GPD1L: variants seen among roughly 807,000 people sequenced by gnomAD.
GPD1L encodes the protein glycerol-3-phosphate dehydrogenase 1-like protein.
A neutral mutation model predicts 32.9 loss-of-function variants in GPD1L; 17 were observed. That is an observed-to-expected ratio of 0.52 (90% CI 0.35 to 0.78). The LOEUF is 0.78. Ranked by LOEUF, GPD1L falls within the 30% of genes least tolerant of loss-of-function variation. GPD1L has a pLI of 0.01. For synonymous variants in GPD1L, 187 were observed against 165.9 expected, an observed-to-expected ratio of 1.13 and a Z score of -0.98; for missense variants, 361 against 447.8, an observed-to-expected ratio of 0.81 and a Z score of 1.75.
intron 1 of GPD1L, among the ~76,000 whole-genome samples, chr3:32,115,497 A>G (rs1054700870): frequency 6.6e-6 from 1 of 152,204 alleles, no homozygotes; most frequent in Non-Finnish European, 1.5e-5. Context: ...TAAGAAAACT[A>G]TATCCTCATC....
intron 1 of GPD1L, among the ~76,000 whole-genome samples, chr3:32,121,677 G>GTATATTTCTATATATATATTTATA (rs1700420459): frequency 1.7e-5 from 2 of 119,964 alleles, no homozygotes; most frequent in East Asian, 2.6e-4. Flanking sequence ...ATTTCTATGT[G>GTATATTTCTATATATATATTTATA]TATATTTCTA....
intron 4 of GPD1L, among the ~76,000 whole-genome samples, chr3:32,141,774 G>A (rs1394198464): frequency 6.6e-6 from 1 of 152,138 alleles, no homozygotes; most frequent in Non-Finnish European, 1.5e-5. Flanking sequence ...ATCACTGTTA[G>A]CAGTTTCTTT....
chr3:32,118,447 T>C (rs981177680), intron 1 of GPD1L, among the ~76,000 whole-genome samples: 5 of 152,160 alleles, frequency 3.3e-5, no homozygotes, highest in African/African-American at 1.2e-4. Context: ...AGGTTCAGCA[T>C]TTCTAACACG....
chr3:32,165,114 C>A (rs13100798), intron 7 of GPD1L, among the ~76,000 whole-genome samples: 1 of 152,122 alleles, frequency 6.6e-6, no homozygotes, highest in Admixed American at 6.5e-5. Context: ...ACTGAGGCAG[C>A]AGAATCGCTT....
chr3:32,107,388 T>C (rs370277482), intron 1 of GPD1L, among the ~76,000 whole-genome samples: 7 of 152,226 alleles, frequency 4.6e-5, no homozygotes, highest in African/African-American at 1.7e-4. Flanking sequence ...TTGCGTCTCT[T>C]TGGGGCCTTA....
At chr3:32,142,484 T>G (rs1700759012) in intron 4 of GPD1L, among the ~76,000 whole-genome samples, 1 of 152,254 alleles carries the variant, frequency 6.6e-6, no homozygotes, top group Admixed American at 6.5e-5. Context: ...AAAAATTTAT[T>G]TATATTTGTA....
intron 5 of GPD1L, among the ~76,000 whole-genome samples, chr3:32,153,888 G>T (rs1454752583): frequency 6.6e-6 from 1 of 152,220 alleles, no homozygotes; most frequent in African/African-American, 2.4e-5. Flanking sequence ...AAGAGTGGAT[G>T]ATTGCCTCTG....
rs74310097 is a variant in GPD1L, at chr3:32,131,038, TA to T, written c.225+2796del. ...TAAAAAAAAAATAGAATGCTCCGTT[TA>T]AAAAAAAAAAGAATGCTCATTATTT... On this transcript the variant is annotated intron_variant, in intron 2 of 7. Transcript: ENST00000282541. Among the ~76,000 whole-genome samples the T allele has an allele frequency of 0.026, 3,799 of 147,030 alleles. 306 individuals carry two copies. The East Asian group carries it at 0.26, about 10-fold the overall frequency.
chr3:32,158,382 G>T lies in GPD1L; in HGVS notation c.619-494G>T, dbSNP rs545257079. ...TGGTTACCTTTGGTGGTGGAGGTGG[G>T]CTGGAAGGGGTTCTCGGGAGCTTCC... On this transcript the variant is annotated intron_variant, in intron 5 of 7. Transcript: ENST00000282541. The T allele has an allele frequency of 2.6e-5, 5 of 192,604 alleles. No homozygotes were observed. The South Asian group carries it at 4.8e-4, about 18-fold the overall frequency. 11.9% of individuals were successfully genotyped at this position (192,604 alleles called of 1,614,324 possible).
intron 1 of GPD1L, among the ~76,000 whole-genome samples, chr3:32,108,335 G>A (rs1217419322): frequency 6.6e-6 from 1 of 152,106 alleles, no homozygotes; most frequent in African/African-American, 2.4e-5. Context: ...GTGAAACCCC[G>A]TCTCTACTGA....
chr3:32,163,161 C>CTTTTTTTTTTTTTT (rs34385950), intron 7 of GPD1L, among the ~76,000 whole-genome samples: 1 of 78,030 alleles, frequency 1.3e-5, no homozygotes, highest in Non-Finnish European at 2.3e-5. Flanking sequence ...CTGGTTTGTC[C>CTTTTTTTTTTTTTT]TTTTTTTTTT....
chr3:32,118,778 C>G (rs1474899843), intron 1 of GPD1L, among the ~76,000 whole-genome samples: 1 of 152,180 alleles, frequency 6.6e-6, no homozygotes, highest in Non-Finnish European at 1.5e-5. Context: ...CCTCAATCCA[C>G]TCTTTCCCCA....
rs746434324 is a variant in GPD1L, at chr3:32,140,411, G to A, written c.505+45G>A. On this transcript the variant is annotated intron_variant, in intron 4 of 7. Coordinates refer to ENST00000282541, the MANE Select transcript of GPD1L (RefSeq NM_015141.4). ...GACCCCAGGAGTCTGGACATTTGAT[G>A]TTTGAACATGTACATATTCCATTTC... 3.8e-6 allele frequency: 6 copies of A among 1,592,202 alleles called. No homozygotes were observed. In the East Asian group the frequency reaches 8.9e-5, roughly 24 times the overall value.
At chr3:32,122,045 A>G (rs894965551) in intron 1 of GPD1L, among the ~76,000 whole-genome samples, 5 of 152,148 alleles carry the variant, frequency 3.3e-5, no homozygotes, top group African/African-American at 1.2e-4. Context: ...CTGGGATTAC[A>G]GGCGTGAGCC....
intron 5 of GPD1L, among the ~76,000 whole-genome samples, chr3:32,154,542 CACTG>C (rs1700961399): frequency 6.6e-6 from 1 of 152,098 alleles, no homozygotes; most frequent in South Asian, 2.1e-4. Context: ...GCCTTTCACT[CACTG>C]ACCCTAGAGC....
intron 2 of GPD1L, 122 bp downstream of exon 2, chr3:32,128,375 T>C (rs1241284110): frequency 2.4e-6 from 2 of 822,086 alleles, no homozygotes; most frequent in Admixed American, 1.9e-5. Flanking sequence ...CCACTACCAA[T>C]TGGTTGGTTG....
At chr3:32,108,693 C>T (rs1183091353) in intron 1 of GPD1L, among the ~76,000 whole-genome samples, 2 of 152,188 alleles carry the variant, frequency 1.3e-5, no homozygotes, top group East Asian at 1.9e-4. Flanking sequence ...ATAGTCCTTT[C>T]GCCCTCCACG....
chr3:32,159,163 G>A (rs1333355035), intron 6 of GPD1L, 54 bp downstream of exon 6: 1 of 1,364,880 alleles, frequency 7.3e-7, no homozygotes, highest in Non-Finnish European at 1.0e-6. Flanking sequence ...GAGACTCCTG[G>A]CTTGGGGTGA....
intron 4 of GPD1L, among the ~76,000 whole-genome samples, chr3:32,143,302 G>GT (rs1463156594): frequency 1.3e-4 from 20 of 152,118 alleles, no homozygotes; most frequent in Admixed American, 1.3e-4. Context: ...TAAAAGTAGA[G>GT]TCTTGTTCGA....
Sources: gnomAD v4.1 joint callset for allele counts (sites outside exome capture counted in the v4.1 genomes callset) on GRCh38, gnomAD v4.1.1 for gene constraint, MANE v1.5 for transcripts, NCBI Gene and HGNC (gene_info 2026-07-23, HGNC 2026-07-21) for gene names.